Variants in CHST9 observed in about 807,000 individuals in gnomAD.
CHST9 encodes the protein carbohydrate sulfotransferase 9, also known as GalNAc-4-sulfotransferase 2.
Under a neutral mutation model 44.4 loss-of-function variants are expected in CHST9, and 41 were observed. The observed-to-expected ratio is 0.92, with a 90% CI of 0.72 to 1.20. CHST9 has a LOEUF of 1.20. Among genes scored for constraint, CHST9 ranks in the 50% most tolerant of loss-of-function variants. CHST9 has a pLI of 0.00. For missense variants in CHST9, 504 were observed against 516.5 expected (o/e 0.98, Z 0.23); for synonymous variants, 171 against 178.4 (o/e 0.96, Z 0.33).
intron 4 of CHST9, among the ~76,000 whole-genome samples, chr18:26,945,245 G>C (rs1488527352): frequency 6.6e-6 from 1 of 152,134 alleles, no homozygotes; most frequent in Non-Finnish European, 1.5e-5. Context: ...GTCACATGTA[G>C]TTGTAAGAAA....
At chr18:26,942,149 G>A (rs1342171156) in intron 5 of CHST9, among the ~76,000 whole-genome samples, 1 of 152,052 alleles carries the variant, frequency 6.6e-6, no homozygotes, top group Admixed American at 6.5e-5. Flanking sequence ...AATTATTTTG[G>A]TGGCATAGTG....
intron 4 of CHST9, among the ~76,000 whole-genome samples, chr18:26,961,932 C>A (rs2056405224): frequency 6.6e-6 from 1 of 152,136 alleles, no homozygotes; most frequent in Middle Eastern, 3.2e-3. Context: ...TGGTCTTGGG[C>A]TGGCTACTGG....
At chr18:27,158,082 A>G (rs2058711841) in intron 1 of CHST9, among the ~76,000 whole-genome samples, 2 of 152,122 alleles carry the variant, frequency 1.3e-5, no homozygotes, top group African/African-American at 2.4e-5. Flanking sequence ...TACAAGAGAG[A>G]CATCACAAAG....
intron 2 of CHST9, among the ~76,000 whole-genome samples, chr18:27,068,964 T>C (rs927644909): frequency 4.6e-5 from 7 of 152,238 alleles, no homozygotes; most frequent in Non-Finnish European, 1.0e-4. Flanking sequence ...ATGGTGAGTT[T>C]GAAAGCTTTT....
chr18:27,111,903 C>A (rs1405717912), intron 2 of CHST9, among the ~76,000 whole-genome samples: 1 of 152,052 alleles, frequency 6.6e-6, no homozygotes, highest in Admixed American at 6.5e-5. Context: ...CAGACTTGGA[C>A]TGGAATCTAC....
At position 27,148,127 on chromosome 18, in the gene CHST9, G is replaced by C. The variant is rs541744159; in HGVS notation, c.-96-5222C>G. Among the ~76,000 whole-genome samples the C allele has an allele frequency of 1.6e-4, 24 of 152,080 alleles. No individual in the cohort carries two copies. In the South Asian group the frequency reaches 4.6e-3, roughly 29 times the overall value. On this transcript the variant is annotated intron_variant, in intron 1 of 5. Coordinates refer to ENST00000618847, the MANE Select transcript of CHST9 (RefSeq NM_031422.6). ...GAGAACATGCAGTATTTGGTTTTCT[G>C]TTCCTGGGTTAGTTTGCTAGGGATA...
chr18:27,137,786 AACAGTTAT>A (rs1003061264), intron 2 of CHST9, among the ~76,000 whole-genome samples: 3 of 152,170 alleles, frequency 2.0e-5, no homozygotes, highest in Admixed American at 6.5e-5. Flanking sequence ...GCACATACGA[AACAGTTAT>A]ACACCATGAC....
At chr18:27,129,454 A>G (rs143301252) in intron 2 of CHST9, among the ~76,000 whole-genome samples, 1,763 of 151,996 alleles carry the variant, frequency 0.012, 34 homozygotes, top group African/African-American at 0.037. Context: ...GTGCAGTGGC[A>G]TGATCACAGC....
At chr18:27,012,270 A>C (rs1302888650) in intron 4 of CHST9, among the ~76,000 whole-genome samples, 1 of 152,318 alleles carries the variant, frequency 6.6e-6, no homozygotes, top group East Asian at 1.9e-4. Context: ...CTGATAGCCT[A>C]TCGTAGACTA....
intron 2 of CHST9, among the ~76,000 whole-genome samples, chr18:27,088,658 C>T (rs1266685076): frequency 6.6e-6 from 1 of 152,108 alleles, no homozygotes; most frequent in East Asian, 1.9e-4. Context: ...TCCCAAAGTG[C>T]TGGGATTATA....
intron 2 of CHST9, among the ~76,000 whole-genome samples, chr18:27,135,178 T>C (rs2058503332): frequency 6.6e-6 from 1 of 152,108 alleles, no homozygotes. Flanking sequence ...TCCTTGTCAA[T>C]TAAAAAAATT....
intron 2 of CHST9, among the ~76,000 whole-genome samples, chr18:27,057,807 G>C (rs182443349): frequency 5.3e-5 from 8 of 152,334 alleles, no homozygotes; most frequent in African/African-American, 1.9e-4. Context: ...AATGCTCAAA[G>C]ATTTGCAGGC....
intron 2 of CHST9, among the ~76,000 whole-genome samples, chr18:27,067,206 G>A (rs1195422660): frequency 2.0e-5 from 3 of 151,854 alleles, no homozygotes; most frequent in Non-Finnish European, 4.4e-5. Context: ...CTGGTAAACT[G>A]CACTGACACT....
chr18:26,937,431 G>A lies in CHST9; in HGVS notation c.240+6898C>T, dbSNP rs1598574937. On this transcript the variant is annotated intron_variant, in intron 5 of 5. Transcript: ENST00000618847. Reference sequence around the variant, plus strand: ...GATTAATTAGGGTGGTCATAAGTGAGATCATTTAATTAATAGAACAGCTTC... The same window carrying A: ...GATTAATTAGGGTGGTCATAAGTGAAATCATTTAATTAATAGAACAGCTTC... 3.3e-5 allele frequency among the ~76,000 whole-genome samples: 5 copies of A among 152,256 alleles called. 1 individual carries two copies. The highest frequency in any genetic ancestry group is 3.3e-4 in the Admixed American group (5 of 15,288).
chr18:27,152,292 A>G (rs757761475), intron 1 of CHST9, among the ~76,000 whole-genome samples: 2 of 152,142 alleles, frequency 1.3e-5, no homozygotes, highest in Non-Finnish European at 1.5e-5. Context: ...TTGTTTTAGA[A>G]GAAAAAGTTT....
chr18:27,136,521 T>A (rs868559388), intron 2 of CHST9, among the ~76,000 whole-genome samples: 10 of 152,200 alleles, frequency 6.6e-5, no homozygotes, highest in Admixed American at 4.6e-4. Context: ...AGTCCTAGAA[T>A]GAGGCGGCTT....
intron 2 of CHST9, among the ~76,000 whole-genome samples, chr18:27,135,717 C>G (rs570447475): frequency 1.0e-3 from 156 of 152,328 alleles, no homozygotes; most frequent in Middle Eastern, 0.01. Flanking sequence ...CCAAAATCAA[C>G]ATGTCAGGGT....
At chr18:27,046,560 G>A (rs891100204) in intron 3 of CHST9, among the ~76,000 whole-genome samples, 2 of 151,146 alleles carry the variant, frequency 1.3e-5, no homozygotes, top group African/African-American at 2.5e-5. Flanking sequence ...AAAATTCCAA[G>A]CAGGAAGTCA....
At chr18:26,944,436 C>G in intron 4 of CHST9, 70 bp from the exon 5 acceptor site, 1 of 1,106,106 alleles carries the variant, frequency 9.0e-7, no homozygotes. Context: ...ACTGATGCTG[C>G]TCTGTTTACA....
Sources: gnomAD v4.1 joint callset for allele counts (sites outside exome capture counted in the v4.1 genomes callset) on GRCh38, gnomAD v4.1.1 for gene constraint, MANE v1.5 for transcripts, NCBI Gene and HGNC (gene_info 2026-07-23, HGNC 2026-07-21) for gene names.